Variants in RBFOX1 observed in about 807,000 individuals in gnomAD.
The protein encoded by RBFOX1 is RNA binding fox-1 homolog 1, also known as RNA binding protein fox-1 homolog 1.
RBFOX1 carries 8 observed loss-of-function variants against 57.7 expected under a neutral mutation model. That is an observed-to-expected ratio of 0.14 (90% CI 0.08 to 0.25). The LOEUF is 0.25. Among genes scored for constraint, RBFOX1 ranks in the 10% least tolerant of loss-of-function variants. The pLI is 1.00. For synonymous variants in RBFOX1, 326 were observed against 222.4 expected (o/e 1.47, Z -4.15); for missense variants, 611 against 548.5 (o/e 1.11, Z -1.14).
chr16:6,660,022 C>G (rs140846375), intron 3 of RBFOX1, among the ~76,000 whole-genome samples: 2 of 151,940 alleles, frequency 1.3e-5, no homozygotes, highest in Non-Finnish European at 2.9e-5. Flanking sequence ...ATCAGGAGTT[C>G]GAGACCACCA....
chr16:7,603,636 A>AG (rs1320032925), intron 9 of RBFOX1, among the ~76,000 whole-genome samples: 3 of 152,162 alleles, frequency 2.0e-5, no homozygotes, highest in African/African-American at 7.2e-5. Context: ...AAGAAGGAGA[A>AG]GTGGATACAA....
intron 2 of RBFOX1, among the ~76,000 whole-genome samples, chr16:6,559,111 A>ATGTGTGTG (rs34909448): frequency 2.7e-5 from 4 of 149,918 alleles, no homozygotes; most frequent in African/African-American, 9.8e-5. Flanking sequence ...ATATATACAT[A>ATGTGTGTG]TGTGTGTGTG....
At chr16:7,066,564 T>G (rs934670706) in intron 4 of RBFOX1, among the ~76,000 whole-genome samples, 3 of 152,190 alleles carry the variant, frequency 2.0e-5, no homozygotes, top group African/African-American at 7.2e-5. Context: ...TGCTACCAGT[T>G]AAATTATTTA....
intron 5 of RBFOX1, among the ~76,000 whole-genome samples, chr16:7,541,286 A>T (rs999967626): frequency 7.9e-5 from 12 of 152,330 alleles, no homozygotes; most frequent in African/African-American, 2.9e-4. Flanking sequence ...TGCTTCTAAA[A>T]GTGAGTGTCT....
At chr16:7,699,959 G>A (rs555925322) in intron 14 of RBFOX1, among the ~76,000 whole-genome samples, 2 of 152,166 alleles carry the variant, frequency 1.3e-5, no homozygotes, top group South Asian at 2.1e-4. Flanking sequence ...GACATTGTCA[G>A]TGTCTTGGTA....
intron 1 of RBFOX1, among the ~76,000 whole-genome samples, chr16:6,211,333 AT>A (rs1054805684): frequency 1.4e-5 from 2 of 146,814 alleles, no homozygotes; most frequent in Non-Finnish European, 3.0e-5. Context: ...GGTTCATGCC[AT>A]TCTTCTACCT....
chr16:5,253,805 G>T (rs1356935904), intron 1 of RBFOX1, among the ~76,000 whole-genome samples: 1 of 152,178 alleles, frequency 6.6e-6, no homozygotes, highest in African/African-American at 2.4e-5. Context: ...TCCTGCCACA[G>T]GGCCTTTGCA....
intron 4 of RBFOX1, among the ~76,000 whole-genome samples, chr16:7,303,134 G>A (rs1268278824): frequency 6.6e-6 from 1 of 152,168 alleles, no homozygotes; most frequent in Non-Finnish European, 1.5e-5. Flanking sequence ...TGATTTCCAC[G>A]CCAGCCTGGG....
intron 3 of RBFOX1, among the ~76,000 whole-genome samples, chr16:6,787,093 T>C (rs1270035671): frequency 6.6e-6 from 1 of 152,140 alleles, no homozygotes; most frequent in Non-Finnish European, 1.5e-5. Flanking sequence ...TCATAGATTG[T>C]ACCTTCACCG....
At chr16:7,137,866 T>C (rs576107649) in intron 4 of RBFOX1, among the ~76,000 whole-genome samples, 2 of 152,350 alleles carry the variant, frequency 1.3e-5, no homozygotes, top group East Asian at 1.9e-4. Flanking sequence ...TGATTTTTAT[T>C]GAGCATCTGT....
chr16:6,653,325 A>G (rs893234003), intron 2 of RBFOX1, among the ~76,000 whole-genome samples: 1 of 152,294 alleles, frequency 6.6e-6, no homozygotes, highest in South Asian at 2.1e-4. Flanking sequence ...TGTCTTGTCC[A>G]GAAGAATGTA....
chr16:6,852,491 A>G (rs555851128), intron 3 of RBFOX1, among the ~76,000 whole-genome samples: 35 of 152,338 alleles, frequency 2.3e-4, no homozygotes, highest in African/African-American at 8.4e-4. Context: ...AAGTGTGAGA[A>G]CAGTCTTACA....
chr16:6,357,767 C>T (rs544295301), intron 2 of RBFOX1, among the ~76,000 whole-genome samples: 2 of 151,820 alleles, frequency 1.3e-5, no homozygotes, highest in East Asian at 2.0e-4. Context: ...TGGCGAACAT[C>T]GTGAAACACC....
At chr16:7,160,000 G>T (rs537420898) in intron 4 of RBFOX1, among the ~76,000 whole-genome samples, 1 of 152,118 alleles carries the variant, frequency 6.6e-6, no homozygotes, top group East Asian at 1.9e-4. Context: ...TAATTGTTTT[G>T]TGTTTTCTTG....
chr16:5,640,060 A>G (rs1474432842), intron 3 of RBFOX1, among the ~76,000 whole-genome samples: 1 of 152,036 alleles, frequency 6.6e-6, no homozygotes, highest in Admixed American at 6.5e-5. Flanking sequence ...CTCACCTTTG[A>G]GGCACATGCA....
chr16:6,514,285 T>C (rs1203792845), intron 2 of RBFOX1, among the ~76,000 whole-genome samples: 1 of 152,196 alleles, frequency 6.6e-6, no homozygotes, highest in East Asian at 1.9e-4. Flanking sequence ...CCACTTCATC[T>C]TACCATATTC....
chr16:7,381,107 G>T (rs188084865), intron 4 of RBFOX1, among the ~76,000 whole-genome samples: 13 of 152,294 alleles, frequency 8.5e-5, no homozygotes, highest in African/African-American at 3.1e-4. Context: ...CAAACCCAGT[G>T]TTCTGGCTTC....
intron 3 of RBFOX1, among the ~76,000 whole-genome samples, chr16:6,662,138 GA>G (rs35266816): frequency 0.71 from 104,898 of 148,626 alleles, 37,260 homozygotes; most frequent in Middle Eastern, 0.74. Context: ...GGGGCGGGGT[GA>G]AAAAAAAGGG....
At chr16:6,597,295 A>G (rs566419222) in intron 2 of RBFOX1, among the ~76,000 whole-genome samples, 5 of 152,196 alleles carry the variant, frequency 3.3e-5, no homozygotes, top group African/African-American at 1.2e-4. Flanking sequence ...TTTATACCCT[A>G]AAGCCATCTG....
Sources: allele counts gnomAD v4.1 joint callset (sites outside exome capture counted in the v4.1 genomes callset), GRCh38; gene constraint gnomAD v4.1.1; transcripts MANE v1.5; gene names NCBI Gene and HGNC (gene_info 2026-07-23, HGNC 2026-07-21).